NFIC: variants seen among roughly 807,000 people sequenced by gnomAD.
NFIC encodes the protein nuclear factor I C, also known as nuclear factor 1 C-type.
NFIC carries 12 observed loss-of-function variants against 54.4 expected under a neutral mutation model. That is an observed-to-expected ratio of 0.22 (90% confidence interval 0.14 to 0.36). The LOEUF is 0.36. Among genes scored for constraint, NFIC ranks in the 10% least tolerant of loss-of-function variants. NFIC has a pLI of 1.00. For missense variants in NFIC, 575 were observed against 718.2 expected, an observed-to-expected ratio of 0.80 and a Z score of 2.28; for synonymous variants, 322 against 319.2, an observed-to-expected ratio of 1.01 and a Z score of -0.09.
intron 2 of NFIC, among the ~76,000 whole-genome samples, chr19:3,412,989 G>A (rs1011301526): frequency 1.3e-5 from 2 of 152,162 alleles, no homozygotes; most frequent in Admixed American, 6.6e-5. Flanking sequence ...TTTGACAGTG[G>A]ACACAGGGGC....
At position 3,462,936 on chromosome 19, in the gene NFIC, G is replaced by A; in HGVS notation, c.*167G>A. 1.4e-6 allele frequency: 2 copies of A among 1,453,262 alleles called. No homozygotes were observed. Among genetic ancestry groups the A allele is most frequent in the South Asian group, 1.5e-5 (1 of 67,368 alleles). 90.0% of individuals were successfully genotyped at this position (1,453,262 alleles called of 1,614,324 possible). A position where few individuals can be genotyped will look rare whatever the true frequency, so the allele number is the denominator to read the frequency against. Reference sequence around the variant, plus strand: ...AAAACACATAGACGCACACACTCAGGAGGAAAAGAAAAAACAAAGGCAGAA... The same window carrying A: ...AAAACACATAGACGCACACACTCAGAAGGAAAAGAAAAAACAAAGGCAGAA... On this transcript the variant is annotated 3_prime_UTR_variant, in exon 11 of 11. Transcript: ENST00000443272.
chr19:3,462,482 C>G (rs1378446270), intron 10 of NFIC, among the ~76,000 whole-genome samples: 1 of 152,170 alleles, frequency 6.6e-6, no homozygotes, highest in Non-Finnish European at 1.5e-5. Flanking sequence ...GTGGGCTAGA[C>G]TTATACTAAA....
chr19:3,384,776 G>C (rs1020487477), intron 2 of NFIC, among the ~76,000 whole-genome samples: 3 of 151,884 alleles, frequency 2.0e-5, no homozygotes, highest in African/African-American at 7.3e-5. Flanking sequence ...AAACCTGCTG[G>C]GGTTGGCTGT....
upstream of NFIC, among the ~76,000 whole-genome samples, chr19:3,362,409 CTGTG>C (rs35259047): frequency 6.7e-6 from 1 of 149,232 alleles, no homozygotes; most frequent in Non-Finnish European, 1.5e-5. Context: ...CCATGTGGGT[CTGTG>C]TGTGTGTGTG....
intron 2 of NFIC, among the ~76,000 whole-genome samples, chr19:3,422,489 G>C (rs577529799): frequency 4.0e-5 from 6 of 151,474 alleles, no homozygotes; most frequent in Admixed American, 2.0e-4. Context: ...AGGCCGAGGC[G>C]GGCGGATCAC....
At position 3,381,958 on chromosome 19, in the gene NFIC, G is replaced by C. The variant is rs776357825; in HGVS notation, c.277G>C (p.Val93Leu). Residue 93 changes from valine (V) to leucine (L), a missense_variant, in exon 2 of 11, where the codon GTG (valine) becomes CTG (leucine). Physicochemically the swap from Val to Leu is conservative, Grantham distance 32. This residue lies in a region of NFIC where 122 missense variants were observed against 158.0 expected (regional missense o/e 0.77). Transcript: ENST00000443272. ...DIRPECREDF[V>L]LSITGKKAPG... ...CCGGCCCGAGTGCCGCGAGGACTTC[G>C]TGCTGAGCATCACCGGCAAGAAGGC... The C allele has an allele frequency of 1.9e-6, 3 of 1,613,544 alleles. No homozygotes were observed. Among genetic ancestry groups the C allele is most frequent in the South Asian group, 1.1e-5 (1 of 91,080 alleles).
rs1289559364 is a variant in NFIC at position 3,375,658 on chromosome 19, C to T, written c.31-6054C>T. On this transcript the variant is annotated intron_variant, in intron 1 of 10. Coordinates refer to ENST00000443272, the MANE Select transcript of NFIC (RefSeq NM_001245002.2). The surrounding 1 kb of genome is among the most constrained non-coding windows in gnomAD (Gnocchi z 4.6). Reference sequence around the variant, plus strand: ...GGGGGACATTGGGGTGGGGGAGCTTCGCTGGTACAAGCTGACTCTGGTCTC... The same window carrying T: ...GGGGGACATTGGGGTGGGGGAGCTTTGCTGGTACAAGCTGACTCTGGTCTC... 6.6e-6 allele frequency among the ~76,000 whole-genome samples: 1 copy of T among 152,162 alleles called. No homozygotes were observed. Among genetic ancestry groups the T allele is most frequent in the Admixed American group, 6.5e-5 (1 of 15,286 alleles).
At chr19:3,418,649 C>T (rs1017920656) in intron 2 of NFIC, among the ~76,000 whole-genome samples, 2 of 152,078 alleles carry the variant, frequency 1.3e-5, no homozygotes, top group African/African-American at 4.8e-5. Context: ...GTCAGGAATT[C>T]AAGACCGGCC....
chr19:3,455,734 T>C (rs894745597), intron 9 of NFIC, among the ~76,000 whole-genome samples: 1 of 152,086 alleles, frequency 6.6e-6, no homozygotes, highest in Non-Finnish European at 1.5e-5. Flanking sequence ...TGGTATACAG[T>C]AGACACTTAA....
intron 2 of NFIC, among the ~76,000 whole-genome samples, chr19:3,388,049 C>T (rs1022675330): frequency 1.6e-4 from 24 of 152,190 alleles, no homozygotes; most frequent in Admixed American, 5.9e-4. Flanking sequence ...CGCCCCGAGC[C>T]GCCAGCCCAG....
chr19:3,377,060 T>TA, intron 1 of NFIC, among the ~76,000 whole-genome samples: 1 of 144,060 alleles, frequency 6.9e-6, no homozygotes. Context: ...AAAAAAGTAA[T>TA]AAAAATCACA....
At position 3,453,350 on chromosome 19, in the gene NFIC, G is replaced by A. The variant is rs1415359561; in HGVS notation, c.1270-413G>A. On this transcript the variant is annotated intron_variant, in intron 8 of 10. Transcript: ENST00000443272. This position sits in a 1 kb window ranked among gnomAD's most constrained non-coding sequence, Gnocchi z 6.7. ...TTGCCAGACTCCACAGGAAGCTTTG[G>A]ATGTTCAGAGCTTTTCGGACTTTGG... 1.3e-5 allele frequency among the ~76,000 whole-genome samples: 2 copies of A among 152,226 alleles called. No homozygotes were observed. The highest frequency in any genetic ancestry group is 4.8e-5 in the African/African-American group (2 of 41,458).
chr19:3,463,398 G>A lies in NFIC; in HGVS notation c.*629G>A, dbSNP rs1299195016. The stretch of plus-strand genomic sequence containing the variant: ...GAGACCGCAGAGGCGGGCAGGGTGG[G>A]GCAGGCGAGTGGTGTCGCGGGGGTG... On this transcript the variant is annotated 3_prime_UTR_variant, in exon 11 of 11. Transcript: ENST00000443272. 4.1e-6 allele frequency: 4 copies of A among 985,578 alleles called. No individual in the cohort carries two copies. The highest frequency in any genetic ancestry group is 4.8e-6 in the Non-Finnish European group (4 of 830,158). The allele number at this position is 985,578 out of a possible 1,614,324, so 61.1% of individuals were successfully genotyped here. A position where few individuals can be genotyped will look rare whatever the true frequency, so the allele number is the denominator to read the frequency against.
At chr19:3,394,874 C>T (rs2081437915) in intron 2 of NFIC, among the ~76,000 whole-genome samples, 1 of 152,068 alleles carries the variant, frequency 6.6e-6, no homozygotes, top group Non-Finnish European at 1.5e-5. Context: ...TGTCTAATGT[C>T]TAGTTTCATC....
Position 3,463,098 on chromosome 19 carries a change from G to A in NFIC, c.*329G>A. On this transcript the variant is annotated 3_prime_UTR_variant, in exon 11 of 11. Transcript: ENST00000443272. Reference sequence around the variant, plus strand: ...CACCCCCACGGGAGACCCGGGACAGGGCGTCTTCCTAAGTTATTCATCTCC... The same window carrying A: ...CACCCCCACGGGAGACCCGGGACAGAGCGTCTTCCTAAGTTATTCATCTCC... 8.0e-7 allele frequency: 1 copy of A among 1,256,184 alleles called. No homozygotes were observed. The highest frequency in any genetic ancestry group is 1.0e-6 in the Non-Finnish European group (1 of 998,360). 77.8% of individuals were successfully genotyped at this position (1,256,184 alleles called of 1,614,324 possible).
intron 7 of NFIC, among the ~76,000 whole-genome samples, chr19:3,449,354 C>T (rs1320502833): frequency 6.6e-6 from 1 of 152,108 alleles, no homozygotes; most frequent in Non-Finnish European, 1.5e-5. Context: ...GCCTCAGTTT[C>T]CCCCCTGTAT....
chr19:3,363,824 C>G (rs746322806), upstream of NFIC, among the ~76,000 whole-genome samples: 27 of 152,184 alleles, frequency 1.8e-4, no homozygotes, highest in Non-Finnish European at 3.5e-4. Flanking sequence ...AGGCCATGGA[C>G]TCTGCTCAGC....
Position 3,453,798 on chromosome 19 carries a change from C to CAGCTCAAAA in NFIC, c.1305_1306insAGCTCAAAA (p.His435_Cys436insSerSerLys). On this transcript the variant is annotated inframe_insertion, in exon 9 of 11. Coordinates refer to ENST00000443272, the MANE Select transcript of NFIC (RefSeq NM_001245002.2). This position sits in a 1 kb window ranked among gnomAD's most constrained non-coding sequence, Gnocchi z 6.7. Reference sequence around the variant, plus strand: ...GTGGTCAGCTCAAAATGCCCAGCCACTGCCTTTCTGCTCAGATGCTGGCAC... The same window carrying CAGCTCAAAA: ...GTGGTCAGCTCAAAATGCCCAGCCACAGCTCAAAATGCCTTTCTGCTCAGATGCTGGCAC... The CAGCTCAAAA allele has an allele frequency of 3.1e-6, 5 of 1,606,522 alleles. No individual in the cohort carries two copies. The highest frequency in any genetic ancestry group is 4.2e-6 in the Non-Finnish European group (5 of 1,176,868).
chr19:3,366,990 C>T (rs2080901758), intron 1 of NFIC, among the ~76,000 whole-genome samples: 1 of 151,668 alleles, frequency 6.6e-6, no homozygotes, highest in African/African-American at 2.4e-5. Flanking sequence ...CACTCCGCAC[C>T]CCCGCCCCGA....
Sources: gnomAD v4.1 joint callset for allele counts (sites outside exome capture counted in the v4.1 genomes callset) on GRCh38, gnomAD v4.1.1 for gene constraint, gnomAD v4.1.1 regional missense constraint, Gnocchi (gnomAD v3.1) non-coding constraint, MANE v1.5 for transcripts, NCBI Gene and HGNC (gene_info 2026-07-23, HGNC 2026-07-21) for gene names.